The following PGM2L1 variants were observed in gnomAD, a reference collection of about 807,000 sequenced individuals.
The protein encoded by PGM2L1 is glucose 1,6-bisphosphate synthase.
Under a neutral mutation model 73.4 loss-of-function variants are expected in PGM2L1, and 35 were observed. The ratio of observed to expected loss-of-function variants is 0.48; its 90% confidence interval spans 0.36 to 0.63. PGM2L1 has a LOEUF of 0.63. Ranked by LOEUF, PGM2L1 falls within the 30% of genes least tolerant of loss-of-function variation. The pLI, the probability that PGM2L1 is intolerant of heterozygous loss-of-function variation, is 0.00. For synonymous variants in PGM2L1, 225 were observed against 253.8 expected (o/e 0.89, Z 1.08); for missense variants, 570 against 742.0 (o/e 0.77, Z 2.69).
chr11:74,341,133 C>T (rs999836868), intron 12 of PGM2L1, among the ~76,000 whole-genome samples: 1 of 152,140 alleles, frequency 6.6e-6, no homozygotes, highest in Non-Finnish European at 1.5e-5. Context: ...CACCTCCATT[C>T]CACACATCTT....
In PGM2L1 at chr11:74,330,818, T is replaced by G. The variant is rs1489987872; in HGVS notation, c.*5834A>C. 1 of 152,568 alleles carries G rather than the reference T, an allele frequency of 6.6e-6. No individual in the cohort carries two copies. The highest frequency in any genetic ancestry group is 1.5e-5 in the Non-Finnish European group (1 of 68,036). The allele number at this position is 152,568 out of a possible 1,614,324, so 9.5% of individuals were successfully genotyped here. On this transcript the variant is annotated 3_prime_UTR_variant, in exon 14 of 14. Transcript: ENST00000298198. ...TTTACCTTCCTGGCCAACACCTTGC[T>G]TTGAGTGTAAAATACCAGGCATTAT...
At chr11:74,371,071 T>C in intron 3 of PGM2L1, 85 bp from the exon 4 acceptor site, 2 of 976,446 alleles carry the variant, frequency 2.0e-6, no homozygotes, top group East Asian at 2.6e-5. Context: ...CATATTATAA[T>C]TAGTCTGAAT....
chr11:74,349,693 A>G (rs1862320904), intron 6 of PGM2L1, among the ~76,000 whole-genome samples: 1 of 152,164 alleles, frequency 6.6e-6, no homozygotes, highest in African/African-American at 2.4e-5. Flanking sequence ...TAGGTAAATA[A>G]AACATATTTC....
chr11:74,377,851 T>C (rs770926916), intron 1 of PGM2L1, among the ~76,000 whole-genome samples: 3 of 152,164 alleles, frequency 2.0e-5, no homozygotes, highest in African/African-American at 4.8e-5. Flanking sequence ...ATAAAACATA[T>C]ATTGGCTTTC....
intron 8 of PGM2L1, among the ~76,000 whole-genome samples, chr11:74,345,943 T>C (rs1301275757): frequency 6.6e-6 from 1 of 152,008 alleles, no homozygotes; most frequent in Non-Finnish European, 1.5e-5. Flanking sequence ...ATTTGTCACA[T>C]TATAATGGTA....
chr11:74,355,077 G>C, intron 5 of PGM2L1: 2 of 1,281,396 alleles, frequency 1.6e-6, no homozygotes, highest in Non-Finnish European at 2.2e-6. Flanking sequence ...AGGTGGTTTT[G>C]GTGGGAAGGA....
At chr11:74,377,173 C>A (rs1862867737) in intron 1 of PGM2L1, among the ~76,000 whole-genome samples, 1 of 147,766 alleles carries the variant, frequency 6.8e-6, no homozygotes, top group African/African-American at 2.5e-5. Context: ...CTCGCTCTGT[C>A]ACCCAGGCTG....
At position 74,398,040 on chromosome 11, in the gene PGM2L1, C is replaced by T. The variant is rs1863206499; in HGVS notation, c.111+11G>A. 1.3e-6 allele frequency: 2 copies of T among 1,597,062 alleles called. No individual in the cohort carries two copies. Among genetic ancestry groups the T allele is most frequent in the Admixed American group, 1.7e-5 (1 of 58,468 alleles). Reference sequence around the variant, plus strand: ...AGGCGACGGCGTTTGCCGGGCTGACCAGGTACCCACCTTATCCCAGCGGAG... The same window carrying T: ...AGGCGACGGCGTTTGCCGGGCTGACTAGGTACCCACCTTATCCCAGCGGAG... On this transcript the variant is annotated intron_variant, in intron 1 of 13. Transcript: ENST00000298198.
intron 4 of PGM2L1, among the ~76,000 whole-genome samples, chr11:74,368,991 A>C (rs1862706949): frequency 6.6e-6 from 1 of 152,158 alleles, no homozygotes; most frequent in Non-Finnish European, 1.5e-5. Context: ...AATTACTGAT[A>C]CTATGCTTTT....
intron 1 of PGM2L1, among the ~76,000 whole-genome samples, chr11:74,377,758 G>T (rs2134938445): frequency 1.3e-5 from 2 of 152,268 alleles, no homozygotes; most frequent in African/African-American, 4.8e-5. Flanking sequence ...ACCACTACTT[G>T]TGTGTCTATG....
chr11:74,347,427 G>A, intron 6 of PGM2L1, 90 bp from the exon 7 acceptor site: 1 of 1,085,998 alleles, frequency 9.2e-7, no homozygotes, highest in South Asian at 2.2e-5. Flanking sequence ...TTGAAAATGT[G>A]ATTAAATGTG....
chr11:74,394,515 A>G (rs1276949825), intron 1 of PGM2L1, among the ~76,000 whole-genome samples: 1 of 152,120 alleles, frequency 6.6e-6, no homozygotes, highest in Non-Finnish European at 1.5e-5. Flanking sequence ...GTCTTGTTGC[A>G]TTGTTTTCTT....
chr11:74,386,247 C>T (rs1248466557), intron 1 of PGM2L1, among the ~76,000 whole-genome samples: 1 of 151,956 alleles, frequency 6.6e-6, no homozygotes, highest in Non-Finnish European at 1.5e-5. Flanking sequence ...AAAGGAAATA[C>T]AGCTATCTTT....
chr11:74,353,389 G>T (rs1414992670), intron 5 of PGM2L1, among the ~76,000 whole-genome samples: 2 of 151,532 alleles, frequency 1.3e-5, no homozygotes, highest in Admixed American at 1.3e-4. Flanking sequence ...CGGAGAGGGG[G>T]ATTTGGCAGG....
chr11:74,356,745 G>T (rs766695776), intron 5 of PGM2L1, among the ~76,000 whole-genome samples: 14 of 151,914 alleles, frequency 9.2e-5, no homozygotes, highest in Non-Finnish European at 1.9e-4. Context: ...AACAGCAAAA[G>T]AATAATGAGC....
rs199972375 is a variant in PGM2L1, at chr11:74,374,399, A to G, written c.279+16T>C. 84 of 1,590,406 alleles carry G rather than the reference A, an allele frequency of 5.3e-5. No homozygotes were observed. Among genetic ancestry groups the G allele is most frequent in the Admixed American group, 3.5e-5 (2 of 57,952 alleles). Reference sequence around the variant, plus strand: ...GTCCAGTCAAAAGTACACTCTTAATACTTTATAATACTTACCTGTGTTGAC... The same window carrying G: ...GTCCAGTCAAAAGTACACTCTTAATGCTTTATAATACTTACCTGTGTTGAC... On this transcript the variant is annotated intron_variant, in intron 2 of 13. Coordinates refer to ENST00000298198, the MANE Select transcript of PGM2L1 (RefSeq NM_173582.6).
At chr11:74,350,879 A>G (rs1862339194) in intron 6 of PGM2L1, among the ~76,000 whole-genome samples, 1 of 148,142 alleles carries the variant, frequency 6.8e-6, no homozygotes, top group Admixed American at 7.0e-5. Context: ...CTCTGTCTCA[A>G]AAAAAAGGAA....
intron 5 of PGM2L1, among the ~76,000 whole-genome samples, chr11:74,362,653 C>T (rs1448870295): frequency 6.6e-6 from 1 of 152,144 alleles, no homozygotes; most frequent in Non-Finnish European, 1.5e-5. Flanking sequence ...AGACGCATCT[C>T]ACGTGCAGAT....
chr11:74,375,590 T>C (rs188217260), intron 1 of PGM2L1, among the ~76,000 whole-genome samples: 2 of 152,242 alleles, frequency 1.3e-5, no homozygotes, highest in South Asian at 2.1e-4. Context: ...CCAGTGCACA[T>C]AAAAGGTGCT....
Sources: gnomAD v4.1 joint callset for allele counts (sites outside exome capture counted in the v4.1 genomes callset) on GRCh38, gnomAD v4.1.1 for gene constraint, MANE v1.5 for transcripts, NCBI Gene and HGNC (gene_info 2026-07-23, HGNC 2026-07-21) for gene names.